The following DHX33 variants were observed in gnomAD, a reference collection of about 807,000 sequenced individuals.
DHX33 encodes the protein ATP-dependent RNA helicase DHX33.
Under a neutral mutation model 72.5 loss-of-function variants are expected in DHX33, and 42 were observed. The observed-to-expected ratio is 0.58, with a 90% CI of 0.45 to 0.75. DHX33 has a LOEUF of 0.75. Among genes scored for constraint, DHX33 ranks in the 30% least tolerant of loss-of-function variants. DHX33 has a pLI of 0.00. For synonymous variants in DHX33, 358 were observed against 366.1 expected (o/e 0.98, Z 0.25); for missense variants, 842 against 917.5 (o/e 0.92, Z 1.06).
chr17:5,464,202 C>T (rs889227828), intron 1 of DHX33, among the ~76,000 whole-genome samples: 6 of 151,942 alleles, frequency 3.9e-5, no homozygotes, highest in South Asian at 2.1e-4. Context: ...TGGTGGTGCA[C>T]GCCTGTGGTC....
At chr17:5,452,443 G>A (rs1222120809) in intron 8 of DHX33, among the ~76,000 whole-genome samples, 4 of 152,320 alleles carry the variant, frequency 2.6e-5, no homozygotes. Flanking sequence ...GGGAGGCTGA[G>A]GCAGGAGAAT....
rs1057164048 is a variant in DHX33, at chr17:5,468,507, A to G, written c.289+64T>C. The G allele has an allele frequency of 9.1e-6, 14 of 1,544,212 alleles. 1 individual carries two copies. The South Asian group carries it at 1.7e-4, about 18-fold the overall frequency. On this transcript the variant is annotated intron_variant, in intron 1 of 11. Transcript: ENST00000225296. ...CGAAAGGGATTGAGAGGCATGTAAG[A>G]AAAACTGCTCTAGCTAAGCCACGGA...
In DHX33 at chr17:5,449,207, A is replaced by G. The variant is rs549645766; in HGVS notation, c.1729-312T>C. 2.0e-4 allele frequency among the ~76,000 whole-genome samples: 30 copies of G among 152,360 alleles called. 1 individual carries two copies. The highest frequency in any genetic ancestry group is 1.5e-3 in the Admixed American group (23 of 15,304). ...ATCTTTATATCAAAAAACATGAACT[A>G]TAAGAAAAGTGTTAATAATTTAAAC... On this transcript the variant is annotated intron_variant, in intron 10 of 11. Transcript: ENST00000225296.
rs1916472515 is a variant in DHX33 at position 5,442,448 on chromosome 17, C to A, written c.*1757G>T. 6.6e-6 allele frequency: 1 copy of A among 152,078 alleles called. No homozygotes were observed. Among genetic ancestry groups the A allele is most frequent in the Non-Finnish European group, 1.5e-5 (1 of 68,016 alleles). 9.4% of individuals were successfully genotyped at this position (152,078 alleles called of 1,614,324 possible). A position where few individuals can be genotyped will look rare whatever the true frequency, so the allele number is the denominator to read the frequency against. ...AGAACTGGTTCAAAGTTTAAGAATT[C>A]AGTAAGATAAGGTATATAGGAGCTG... On this transcript the variant is annotated 3_prime_UTR_variant, in exon 12 of 12. Coordinates refer to ENST00000225296, the MANE Select transcript of DHX33 (RefSeq NM_020162.4).
chr17:5,445,267 C>T (rs957221934), intron 11 of DHX33, among the ~76,000 whole-genome samples: 12 of 152,056 alleles, frequency 7.9e-5, no homozygotes, highest in Admixed American at 2.0e-4. Flanking sequence ...TTAGTAGAAA[C>T]GGGGTTTCAC....
intron 10 of DHX33, 132 bp downstream of exon 10, chr17:5,450,071 C>T: frequency 9.0e-7 from 1 of 1,108,886 alleles, no homozygotes; most frequent in Non-Finnish European, 1.3e-6. Context: ...GTCTGGCTTT[C>T]TTTTTGTGAT....
intron 1 of DHX33, among the ~76,000 whole-genome samples, chr17:5,466,613 T>C (rs73339275): frequency 0.14 from 20,951 of 152,260 alleles, 1,645 homozygotes; most frequent in African/African-American, 0.21. Flanking sequence ...AGGAAATGTA[T>C]GCAAGAAATG....
rs1916878376 is a variant in DHX33, at chr17:5,450,950, C to T, written c.1397-16G>A. The T allele has an allele frequency of 1.2e-6, 2 of 1,606,608 alleles. No individual in the cohort carries two copies. Among genetic ancestry groups the T allele is most frequent in the Non-Finnish European group, 1.7e-6 (2 of 1,177,696 alleles). Reference sequence around the variant, plus strand: ...TGAATGTGATCTAAAGAAACAGAGACATAAAAAGGAGCCAAAAGTCCAAAA... The same window carrying T: ...TGAATGTGATCTAAAGAAACAGAGATATAAAAAGGAGCCAAAAGTCCAAAA... On this transcript the variant is annotated splice_polypyrimidine_tract_variant and intron_variant, in intron 8 of 11. Transcript: ENST00000225296.
rs1904355141 is a variant in DHX33 at position 5,457,133 on chromosome 17, CCT to C, written c.850-953_850-952del. ...ACCAGCTTGACCAACATGGTGAAACCCTGTCTCTACTAAAAATACAAAAAATT... is the reference window on the plus strand; with the variant it reads ...ACCAGCTTGACCAACATGGTGAAACCGTCTCTACTAAAAATACAAAAAATT... On this transcript the variant is annotated intron_variant, in intron 4 of 11. Coordinates refer to ENST00000225296, the MANE Select transcript of DHX33 (RefSeq NM_020162.4). Among the ~76,000 whole-genome samples, 3 of 152,234 alleles carry C rather than the reference CCT, an allele frequency of 2.0e-5. No homozygotes were observed. In the South Asian group the frequency reaches 6.2e-4, roughly 32 times the overall value.
chr17:5,455,155 C>T lies in DHX33; in HGVS notation c.1147+5G>A. On this transcript the variant is annotated splice_donor_5th_base_variant and intron_variant, in intron 6 of 11. Transcript: ENST00000225296. ...GAGAGACATTCATGAACTACAAATTCTCACCAGGGTTATACTTCTTTGCTT... is the reference window on the plus strand; with the variant it reads ...GAGAGACATTCATGAACTACAAATTTTCACCAGGGTTATACTTCTTTGCTT... 1 of 1,610,924 alleles carries T rather than the reference C, an allele frequency of 6.2e-7. No homozygotes were observed. Among genetic ancestry groups the T allele is most frequent in the Non-Finnish European group, 8.5e-7 (1 of 1,177,120 alleles).
Position 5,463,658 on chromosome 17 carries a change from G to T in DHX33, c.321C>A (p.Ile107=). Residue 107 remains isoleucine, a synonymous_variant, in exon 2 of 12, where the codon ATC becomes ATA. Transcript: ENST00000225296. ...GETGSGKTTQ[I]PQYLYEGGIS... ...TCCCTCCTTCATACAGGTACTGAGG[G>T]ATCTGAGTTGTCTTCCCAGAGCCAG... is the stretch of plus-strand genomic sequence containing the variant. 3 of 1,611,996 alleles carry T rather than the reference G, an allele frequency of 1.9e-6. No homozygotes were observed. Among genetic ancestry groups the T allele is most frequent in the Non-Finnish European group, 2.5e-6 (3 of 1,178,980 alleles).
chr17:5,450,007 C>T (rs1238556299), intron 10 of DHX33, among the ~76,000 whole-genome samples, 196 bp downstream of exon 10: 1 of 152,090 alleles, frequency 6.6e-6, no homozygotes, highest in East Asian at 1.9e-4. Flanking sequence ...TAAACACATT[C>T]GGAACAGAGA....
At chr17:5,445,407 T>C (rs886280667) in intron 11 of DHX33, among the ~76,000 whole-genome samples, 3 of 152,116 alleles carry the variant, frequency 2.0e-5, no homozygotes, top group African/African-American at 7.2e-5. Context: ...CACTCCATGG[T>C]CCCCCATAGC....
chr17:5,467,200 T>C (rs1021659442), intron 1 of DHX33, among the ~76,000 whole-genome samples: 5 of 152,222 alleles, frequency 3.3e-5, no homozygotes, highest in African/African-American at 9.7e-5. Context: ...CCTAATAATA[T>C]GCCTGGAACT....
At chr17:5,465,400 ATCTT>A (rs1483354048) in intron 1 of DHX33, among the ~76,000 whole-genome samples, 1 of 152,222 alleles carries the variant, frequency 6.6e-6, no homozygotes, top group Non-Finnish European at 1.5e-5. Flanking sequence ...CCATGTCTCT[ATCTT>A]TCATGCTCCT....
At chr17:5,462,875 T>C (rs1904705314) in intron 2 of DHX33, among the ~76,000 whole-genome samples, 1 of 152,074 alleles carries the variant, frequency 6.6e-6, no homozygotes, top group African/African-American at 2.4e-5. Flanking sequence ...GTCAGGAGTT[T>C]GAGACCAGCC....
intron 3 of DHX33, 49 bp downstream of exon 3, chr17:5,462,270 C>T (rs760826018): frequency 6.4e-7 from 1 of 1,566,036 alleles, no homozygotes; most frequent in Non-Finnish European, 8.8e-7. Flanking sequence ...GTTACGCATA[C>T]TTTCAGGGGA....
rs1349075842 is a variant in DHX33 at position 5,453,672 on chromosome 17, TG to T, written c.1308-5del. 1 of 1,614,094 alleles carries T rather than the reference TG, an allele frequency of 6.2e-7. No homozygotes were observed. The highest frequency in any genetic ancestry group is 8.5e-7 in the Non-Finnish European group (1 of 1,180,002). ...CATCACACTGGCCAGGTTACACCTG[TG>T]AAGAGCATGAGACCAGGGTCATGAC... On this transcript the variant is annotated splice_region_variant and splice_polypyrimidine_tract_variant and intron_variant, in intron 7 of 11. Transcript: ENST00000225296.
At chr17:5,462,190 T>TCCCAAAGTGC (rs1904669292) in intron 3 of DHX33, 129 bp downstream of exon 3, 1 of 788,158 alleles carries the variant, frequency 1.3e-6, no homozygotes, top group Non-Finnish European at 2.0e-6. Context: ...TCCACCGGCC[T>TCCCAAAGTGC]TGGCCTCCCA....
Sources: allele counts gnomAD v4.1 joint callset (sites outside exome capture counted in the v4.1 genomes callset), GRCh38; gene constraint gnomAD v4.1.1; transcripts MANE v1.5; gene names NCBI Gene and HGNC (gene_info 2026-07-23, HGNC 2026-07-21).